ARFIP2: variants seen among roughly 807,000 people sequenced by gnomAD.
ARFIP2 encodes arfaptin-2.
Under a neutral mutation model 39.2 loss-of-function variants are expected in ARFIP2, and 14 were observed. The ratio of observed to expected loss-of-function variants is 0.36; its 90% CI spans 0.24 to 0.56. The LOEUF (loss-of-function observed/expected upper bound fraction) is 0.56, where lower values mean the gene tolerates loss of function less well. Ranked by LOEUF, ARFIP2 falls within the 20% of genes least tolerant of loss-of-function variation. The pLI, the probability that ARFIP2 is intolerant of heterozygous loss-of-function variation, is 0.85. For synonymous variants in ARFIP2, 167 were observed against 172.4 expected (o/e 0.97, Z 0.24); for missense variants, 305 against 422.5 (o/e 0.72, Z 2.44).
Position 6,477,902 on chromosome 11 carries a change from G to C in ARFIP2, c.696-10C>G. 3 of 1,613,384 alleles carry C rather than the reference G, an allele frequency of 1.9e-6. No homozygotes were observed. The South Asian group carries it at 3.3e-5, about 18-fold the overall frequency. ...GGCATCATATTCCAGCCTGGGGAGGGGGTGATAAAGGCTGGTCTCCACTCC... is the reference window on the plus strand; with the variant it reads ...GGCATCATATTCCAGCCTGGGGAGGCGGTGATAAAGGCTGGTCTCCACTCC... On this transcript the variant is annotated splice_polypyrimidine_tract_variant and intron_variant, in intron 6 of 7. Coordinates refer to ENST00000396777, the MANE Select transcript of ARFIP2 (RefSeq NM_001376558.2). The surrounding 1 kb of genome is among the most constrained non-coding windows in gnomAD (Gnocchi z 4.8).
In ARFIP2 at chr11:6,479,125, G is replaced by A; in HGVS notation, c.315+15C>T. The A allele has an allele frequency of 6.2e-7, 1 of 1,612,326 alleles. No homozygotes were observed. On this transcript the variant is annotated intron_variant, in intron 4 of 7. Coordinates refer to ENST00000396777, the MANE Select transcript of ARFIP2 (RefSeq NM_001376558.2). ...ATAAGGAGTTTTGGGGAAGGGAGAGGTGCTTAAATCCTACCTTATAGGTGT... is the reference window on the plus strand; with the variant it reads ...ATAAGGAGTTTTGGGGAAGGGAGAGATGCTTAAATCCTACCTTATAGGTGT...
Position 6,478,731 on chromosome 11 carries a change from G to A in ARFIP2, c.537+7C>T. On this transcript the variant is annotated splice_region_variant and intron_variant, in intron 5 of 7. Transcript: ENST00000396777. The surrounding 1 kb of genome is among the most constrained non-coding windows in gnomAD (Gnocchi z 4.8). ...TTCCCCCACCCTCTTTGGTCTGGGT[G>A]AGGCACCTGAAGCTCTGGGGACTTC... 6.2e-7 allele frequency: 1 copy of A among 1,607,476 alleles called. No individual in the cohort carries two copies. The highest frequency in any genetic ancestry group is 2.2e-5 in the East Asian group (1 of 44,620).
rs1158857460 is a variant in ARFIP2 at position 6,477,929 on chromosome 11, T to C, written c.696-37A>G. On this transcript the variant is annotated intron_variant, in intron 6 of 7. Transcript: ENST00000396777. The surrounding 1 kb of genome is among the most constrained non-coding windows in gnomAD (Gnocchi z 4.8). ...GTGATAAAGGCTGGTCTCCACTCCT[T>C]TATCCTCAACACATACTCTCCTTTC... 4 of 1,611,672 alleles carry C rather than the reference T, an allele frequency of 2.5e-6. No individual in the cohort carries two copies. The highest frequency in any genetic ancestry group is 3.4e-6 in the Non-Finnish European group (4 of 1,178,408).
In ARFIP2 at chr11:6,477,186, T is replaced by A; in HGVS notation, c.953A>T (p.Gln318Leu). The A allele has an allele frequency of 6.2e-7, 1 of 1,613,038 alleles. No homozygotes were observed. The highest frequency in any genetic ancestry group is 8.5e-7 in the Non-Finnish European group (1 of 1,179,534). Reference protein sequence around the residue: ...YFAGNQKQLEQTLQQFNIKLR... With the variant: ...YFAGNQKQLELTLQQFNIKLR... ...CTTGATGTTGAACTGCTGCAGGGTC[T>A]GCTCCAGCTGTTTCTGGTTCCCAGC... is the stretch of plus-strand genomic sequence containing the variant. Residue 318 changes from glutamine to leucine, a missense_variant, in exon 8 of 8, where the codon CAG becomes CTG. Gln to Leu is a moderately radical substitution (Grantham distance 113, BLOSUM62 -2). This residue lies in a region of ARFIP2 where 112 missense variants were observed against 118.2 expected (regional missense o/e 0.95). Transcript: ENST00000396777. This position sits in a 1 kb window ranked among gnomAD's most constrained non-coding sequence, Gnocchi z 4.8.
Position 6,476,969 on chromosome 11 carries a change from G to A in ARFIP2, c.*144C>T, listed in dbSNP as rs1851138437. 1.1e-5 allele frequency: 11 copies of A among 980,376 alleles called. No individual in the cohort carries two copies. In the Middle Eastern group the frequency reaches 9.3e-4, roughly 83 times the overall value. 60.7% of individuals were successfully genotyped at this position (980,376 alleles called of 1,614,324 possible). On this transcript the variant is annotated 3_prime_UTR_variant, in exon 8 of 8. Transcript: ENST00000396777. Reference sequence around the variant, plus strand: ...CCCTCTTCCCACCATAGCAATGTGGGCAAAACTGGTGTCAGGCCCCAGCCA... The same window carrying A: ...CCCTCTTCCCACCATAGCAATGTGGACAAAACTGGTGTCAGGCCCCAGCCA...
chr11:6,478,976 G>T lies in ARFIP2; in HGVS notation c.316-17C>A. ...CTTTGTGCACTGATTGGGAAATGGG[G>T]GAATAAATCAGAGACCCTAACAGCC... is the stretch of plus-strand genomic sequence containing the variant. On this transcript the variant is annotated splice_polypyrimidine_tract_variant and intron_variant, in intron 4 of 7. Transcript: ENST00000396777. The surrounding 1 kb of genome is among the most constrained non-coding windows in gnomAD (Gnocchi z 4.8). 6.2e-7 allele frequency: 1 copy of T among 1,612,046 alleles called. No individual in the cohort carries two copies. Among genetic ancestry groups the T allele is most frequent in the South Asian group, 1.1e-5 (1 of 90,964 alleles).
chr11:6,478,964 T>C lies in ARFIP2; in HGVS notation c.316-5A>G. 1.9e-6 allele frequency: 3 copies of C among 1,613,460 alleles called. No homozygotes were observed. Among genetic ancestry groups the C allele is most frequent in the Non-Finnish European group, 1.7e-6 (2 of 1,179,482 alleles). ...TGATAACAGTTGCTTTGTGCACTGA[T>C]TGGGAAATGGGGGAATAAATCAGAG... is the stretch of plus-strand genomic sequence containing the variant. On this transcript the variant is annotated splice_region_variant and splice_polypyrimidine_tract_variant and intron_variant, in intron 4 of 7. Transcript: ENST00000396777. The surrounding 1 kb of genome is among the most constrained non-coding windows in gnomAD (Gnocchi z 4.8).
chr11:6,479,102 A>G (rs1280388385), intron 4 of ARFIP2, 38 bp downstream of exon 4: 2 of 1,603,652 alleles, frequency 1.2e-6, no homozygotes, highest in Admixed American at 3.3e-5. Context: ...AGGTACCCAT[A>G]AGGAGTTTTG....
intron 3 of ARFIP2, 175 bp downstream of exon 3, chr11:6,479,797 G>A (rs1851521702): frequency 3.1e-6 from 2 of 651,726 alleles, no homozygotes; most frequent in African/African-American, 3.6e-5. Context: ...AAAGGGAAAT[G>A]GATGGACAAC....
rs929026817 is a variant in ARFIP2 at position 6,479,198 on chromosome 11, C to T, written c.257G>A (p.Arg86Gln). The T allele has an allele frequency of 4.3e-6, 7 of 1,614,016 alleles. No homozygotes were observed. Among genetic ancestry groups the T allele is most frequent in the South Asian group, 1.1e-5 (1 of 91,082 alleles). Reference protein sequence around the residue: ...TPSGPGDEVARGIAGEKFDIV... With the variant: ...TPSGPGDEVAQGIAGEKFDIV... ...GTCAAACTTTTCTCCAGCAATGCCC[C>T]GAGCCACCTCATCTCCAGGGCCAGA... The change falls in exon 4 of 8, where the codon CGG (arginine) becomes CAG (glutamine). Residue 86 changes from arginine (R) to glutamine (Q), a missense_variant. Physicochemically the swap from Arg to Gln is conservative, Grantham distance 43. This residue lies in a region of ARFIP2 where 151 missense variants were observed against 203.1 expected (regional missense o/e 0.74). Coordinates refer to ENST00000396777, the MANE Select transcript of ARFIP2 (RefSeq NM_001376558.2).
chr11:6,480,165 G>T, intron 2 of ARFIP2, 97 bp from the exon 3 acceptor site: 1 of 1,300,576 alleles, frequency 7.7e-7, no homozygotes, highest in Non-Finnish European at 1.1e-6. Context: ...CATAAAGATA[G>T]TACACAAGGG....
rs1851412982 is a variant in ARFIP2 at position 6,478,955 on chromosome 11, G to A, written c.320C>T (p.Thr107Ile). 6.2e-7 allele frequency: 1 copy of A among 1,613,880 alleles called. No individual in the cohort carries two copies. Among genetic ancestry groups the A allele is most frequent in the Non-Finnish European group, 8.5e-7 (1 of 1,179,810 alleles). ...AAATCGTTCTGATAACAGTTGCTTT[G>A]TGCACTGATTGGGAAATGGGGGAAT... Reference protein sequence around the residue: ...KKWGINTYKCTKQLLSERFGR... With the variant: ...KKWGINTYKCIKQLLSERFGR... The change falls in exon 5 of 8, where the codon ACA (threonine) becomes ATA (isoleucine). Residue 107 changes from threonine (T) to isoleucine (I), a missense_variant. By Grantham distance (89) the Thr-to-Ile change is moderately conservative. This residue lies in a region of ARFIP2 where 151 missense variants were observed against 203.1 expected (regional missense o/e 0.74). Transcript: ENST00000396777. The surrounding 1 kb of genome is among the most constrained non-coding windows in gnomAD (Gnocchi z 4.8).
chr11:6,480,297 C>A, intron 2 of ARFIP2, 26 bp downstream of exon 2: 3 of 1,603,430 alleles, frequency 1.9e-6, no homozygotes, highest in Non-Finnish European at 2.6e-6. Flanking sequence ...TAAATTGAAA[C>A]AATTAGAAGA....
rs1044796874 is a variant in ARFIP2, at chr11:6,477,621, G to A, written c.870+97C>T. On this transcript the variant is annotated intron_variant, in intron 7 of 7. Transcript: ENST00000396777. This position sits in a 1 kb window ranked among gnomAD's most constrained non-coding sequence, Gnocchi z 4.8. Reference sequence around the variant, plus strand: ...GGGTGAACACTCTACTCCCCAGCTAGGCTGCATTTCCTCATTCAATAATGG... The same window carrying A: ...GGGTGAACACTCTACTCCCCAGCTAAGCTGCATTTCCTCATTCAATAATGG... 4 of 1,393,770 alleles carry A rather than the reference G, an allele frequency of 2.9e-6. No homozygotes were observed. The highest frequency in any genetic ancestry group is 3.9e-6 in the Non-Finnish European group (4 of 1,018,904). 86.3% of individuals were successfully genotyped at this position (1,393,770 alleles called of 1,614,324 possible). A position where few individuals can be genotyped will look rare whatever the true frequency, so the allele number is the denominator to read the frequency against.
rs557399156 is a variant in ARFIP2, at chr11:6,478,652, G to T, written c.537+86C>A. ...CACCCTGAAGGGGTTCTCCCTGTGG[G>T]CTGCAGGAGGGAGGGAGGATGAGGA... On this transcript the variant is annotated intron_variant, in intron 5 of 7. Coordinates refer to ENST00000396777, the MANE Select transcript of ARFIP2 (RefSeq NM_001376558.2). The surrounding 1 kb of genome is among the most constrained non-coding windows in gnomAD (Gnocchi z 4.8). 39 of 1,524,828 alleles carry T rather than the reference G, an allele frequency of 2.6e-5. No homozygotes were observed. The highest frequency in any genetic ancestry group is 3.2e-5 in the Non-Finnish European group (36 of 1,132,486). The allele number at this position is 1,524,828 out of a possible 1,614,324, so 94.5% of individuals were successfully genotyped here.
chr11:6,476,987 C>T lies in ARFIP2; in HGVS notation c.*126G>A. 8.4e-7 allele frequency: 1 copy of T among 1,195,032 alleles called. No individual in the cohort carries two copies. The highest frequency in any genetic ancestry group is 2.5e-4 in the Middle Eastern group (1 of 3,952). 74.0% of individuals were successfully genotyped at this position (1,195,032 alleles called of 1,614,324 possible). ...AATGTGGGCAAAACTGGTGTCAGGCCCCAGCCAGAAAAAGGAGCCCAAGCC... is the reference window on the plus strand; with the variant it reads ...AATGTGGGCAAAACTGGTGTCAGGCTCCAGCCAGAAAAAGGAGCCCAAGCC... On this transcript the variant is annotated 3_prime_UTR_variant, in exon 8 of 8. Transcript: ENST00000396777.
rs142463432 is a variant in ARFIP2, at chr11:6,480,423, G to T, written c.-2C>A. On this transcript the variant is annotated 5_prime_UTR_variant, in exon 2 of 8. Coordinates refer to ENST00000396777, the MANE Select transcript of ARFIP2 (RefSeq NM_001376558.2). The stretch of plus-strand genomic sequence containing the variant: ...CTTCCCTAGGATCCCGTCCGTCATG[G>T]CTAGGAAAGGTATTGGAGTAAAACT... The T allele has an allele frequency of 1.9e-6, 3 of 1,608,198 alleles. No homozygotes were observed. In the South Asian group the frequency reaches 3.3e-5, roughly 18 times the overall value.
In ARFIP2 at chr11:6,477,062, G is replaced by C. The variant is rs956710529; in HGVS notation, c.*51C>G. 2.6e-6 allele frequency: 4 copies of C among 1,560,402 alleles called. No individual in the cohort carries two copies. Among genetic ancestry groups the C allele is most frequent in the Non-Finnish European group, 2.6e-6 (3 of 1,147,550 alleles). ...CCATGTCCAATCTCCCACACCCTGG[G>C]GCTGCCCTTCCCAATGTCTTTCTTG... On this transcript the variant is annotated 3_prime_UTR_variant, in exon 8 of 8. Coordinates refer to ENST00000396777, the MANE Select transcript of ARFIP2 (RefSeq NM_001376558.2). The surrounding 1 kb of genome is among the most constrained non-coding windows in gnomAD (Gnocchi z 4.8).
At chr11:6,481,163 C>G (rs532442026) in intron 1 of ARFIP2, 68 bp downstream of exon 1, 28 of 464,434 alleles carry the variant, frequency 6.0e-5, no homozygotes, top group African/African-American at 5.4e-4. Context: ...CCCCGGGGCT[C>G]GGGGCATCTT....
Sources: allele counts gnomAD v4.1 joint callset, GRCh38; gene constraint gnomAD v4.1.1; regional missense constraint gnomAD v4.1.1; non-coding constraint Gnocchi (gnomAD v3.1); transcripts MANE v1.5; gene names NCBI Gene and HGNC (gene_info 2026-07-23, HGNC 2026-07-21).